Variants in GATAD1 observed in about 807,000 individuals in gnomAD.
The protein encoded by GATAD1 is GATA zinc finger domain-containing protein 1.
GATAD1 carries 12 observed loss-of-function variants against 26.5 expected under a neutral mutation model. The ratio of observed to expected loss-of-function variants is 0.45; its 90% CI spans 0.29 to 0.73. GATAD1 has a LOEUF of 0.73. GATAD1 is among the 30% of genes least tolerant of loss of function. The probability of loss-of-function intolerance (pLI) is 0.10; values close to 1 mark genes in which losing one functional copy is unlikely to be tolerated. For missense variants in GATAD1, 266 were observed against 342.1 expected (o/e 0.78, Z 1.75); for synonymous variants, 129 against 133.1 (o/e 0.97, Z 0.21).
the GATAD1 span, among the ~76,000 whole-genome samples, chr7:92,478,703 C>T: frequency 6.6e-6 from 1 of 152,028 alleles, no homozygotes; most frequent in Non-Finnish European, 1.5e-5. Context: ...AAGAAGCAAC[C>T]CTCACCCATT....
At chr7:92,453,855 A>G (rs1401585912) in intron 3 of GATAD1, among the ~76,000 whole-genome samples, 2 of 152,156 alleles carry the variant, frequency 1.3e-5, no homozygotes, top group African/African-American at 4.8e-5. Context: ...CTGCTTCATG[A>G]CTGTGGCTAA....
chr7:92,488,198 A>G, the GATAD1 span, among the ~76,000 whole-genome samples: 2 of 152,246 alleles, frequency 1.3e-5, no homozygotes, highest in Non-Finnish European at 2.9e-5. Context: ...CTATATAGCA[A>G]TATGTACAGA....
chr7:92,476,434 G>T, the GATAD1 span, among the ~76,000 whole-genome samples: 4 of 152,104 alleles, frequency 2.6e-5, no homozygotes, highest in African/African-American at 9.7e-5. Context: ...CAGTGCTTTC[G>T]GCCTATGCTC....
chr7:92,470,036 C>G, the GATAD1 span: 2 of 778,880 alleles, frequency 2.6e-6, no homozygotes, highest in Non-Finnish European at 4.8e-6. Flanking sequence ...CCACCCCCAT[C>G]AGACATACCA....
rs1024193423 is a variant in GATAD1 at position 92,456,292 on chromosome 7, T to G, written c.620-80T>G. 14 of 886,542 alleles carry G rather than the reference T, an allele frequency of 1.6e-5. No individual in the cohort carries two copies. In the African/African-American group the frequency reaches 2.3e-4, roughly 15 times the overall value. The allele number at this position is 886,542 out of a possible 1,614,324, so 54.9% of individuals were successfully genotyped here. ...TTGCTCCCAGAGTGGTCTCTCCCAG[T>G]GTCTAGAAATTTTAACATCTTATGA... On this transcript the variant is annotated intron_variant, in intron 4 of 4. Coordinates refer to ENST00000287957, the MANE Select transcript of GATAD1 (RefSeq NM_021167.5).
At chr7:92,452,967 AACTTTGG>A (rs1291153229) in intron 3 of GATAD1, among the ~76,000 whole-genome samples, 1 of 152,228 alleles carries the variant, frequency 6.6e-6, no homozygotes, top group Non-Finnish European at 1.5e-5. Flanking sequence ...TATGATAAAT[AACTTTGG>A]ACTGATGGCT....
chr7:92,479,663 G>C, the GATAD1 span, among the ~76,000 whole-genome samples: 2 of 152,080 alleles, frequency 1.3e-5, no homozygotes, highest in African/African-American at 4.8e-5. Context: ...AATTTTGGGG[G>C]TGGTATGGAG....
the GATAD1 span, chr7:92,491,285 GTTCCAT>G: frequency 7.0e-5 from 113 of 1,603,582 alleles, no homozygotes; most frequent in Middle Eastern, 1.3e-3. Context: ...ATCAGAAGAG[GTTCCAT>G]TTCCAAGTTC....
At chr7:92,464,496 T>C (rs758845968), downstream of GATAD1, among the ~76,000 whole-genome samples, 1 of 152,212 alleles carries the variant, frequency 6.6e-6, no homozygotes, top group Non-Finnish European at 1.5e-5. Context: ...TCTGAGGTCA[T>C]GTCCAAACTT....
chr7:92,470,146 C>T, the GATAD1 span: 2 of 778,602 alleles, frequency 2.6e-6, no homozygotes, highest in East Asian at 2.4e-5. Context: ...TGCATGCATG[C>T]AAAGAGTGGC....
At chr7:92,468,829 G>T in the GATAD1 span, 13 of 764,050 alleles carry the variant, frequency 1.7e-5, no homozygotes, top group Non-Finnish European at 3.1e-5. Context: ...CTCAGGAGGG[G>T]TGCCTTTGAT....
chr7:92,487,319 T>A, the GATAD1 span: 2 of 582,312 alleles, frequency 3.4e-6, no homozygotes, highest in Admixed American at 6.2e-5. Context: ...AATTATAGCA[T>A]TTACCAATCT....
At chr7:92,493,054 C>G in the GATAD1 span, 15 of 1,612,026 alleles carry the variant, frequency 9.3e-6, no homozygotes, top group Non-Finnish European at 1.3e-5. Flanking sequence ...GTTACTGATG[C>G]TACATGCTGA....
the GATAD1 span, chr7:92,468,806 C>T: frequency 1.3e-6 from 1 of 761,476 alleles, no homozygotes. Flanking sequence ...AGAGGTTGTG[C>T]AGCTGAGATT....
downstream of GATAD1, among the ~76,000 whole-genome samples, chr7:92,462,043 T>G (rs1471649310): frequency 6.6e-6 from 1 of 152,204 alleles, no homozygotes; most frequent in Non-Finnish European, 1.5e-5. Context: ...CTTTTTAGAA[T>G]AGCAATATGT....
chr7:92,460,452 A>C (rs1585178421), downstream of GATAD1, among the ~76,000 whole-genome samples: 1 of 152,200 alleles, frequency 6.6e-6, no homozygotes, highest in Non-Finnish European at 1.5e-5. Flanking sequence ...GACCCACAAG[A>C]GGTGGGCCAT....
intron 3 of GATAD1, among the ~76,000 whole-genome samples, chr7:92,452,435 A>C (rs1211836667): frequency 6.6e-6 from 1 of 152,238 alleles, no homozygotes; most frequent in Non-Finnish European, 1.5e-5. Context: ...AGCCCAGATC[A>C]GGCATGCAAG....
intron 3 of GATAD1, among the ~76,000 whole-genome samples, chr7:92,452,675 T>C (rs1397396901): frequency 1.3e-5 from 2 of 152,226 alleles, no homozygotes; most frequent in East Asian, 3.8e-4. Flanking sequence ...CTTAGTCCTG[T>C]TTGGTGTTAT....
the GATAD1 span, among the ~76,000 whole-genome samples, chr7:92,475,658 C>T: frequency 6.7e-6 from 1 of 148,610 alleles, no homozygotes; most frequent in Non-Finnish European, 1.5e-5. Context: ...TCCTGCACCC[C>T]TTTTCCCGCC....
Sources: allele counts gnomAD v4.1 joint callset (sites outside exome capture counted in the v4.1 genomes callset), GRCh38; gene constraint gnomAD v4.1.1; transcripts MANE v1.5; gene names NCBI Gene and HGNC (gene_info 2026-07-23, HGNC 2026-07-21).